Variants in RPS6KA5 observed in about 807,000 individuals in gnomAD.
The protein encoded by RPS6KA5 is ribosomal protein S6 kinase A5, also known as ribosomal protein S6 kinase alpha-5.
Under a neutral mutation model 85.5 loss-of-function variants are expected in RPS6KA5, and 27 were observed. That is an observed-to-expected ratio of 0.32 (90% CI 0.23 to 0.44). The LOEUF (loss-of-function observed/expected upper bound fraction) is 0.44, where lower values mean the gene tolerates loss of function less well. RPS6KA5 is among the 20% of genes least tolerant of loss of function. The pLI is 1.00. For synonymous variants in RPS6KA5, 334 were observed against 348.2 expected (o/e 0.96, Z 0.46); for missense variants, 811 against 980.9 (o/e 0.83, Z 2.31).
intron 1 of RPS6KA5, among the ~76,000 whole-genome samples, chr14:91,049,149 T>C (rs1186453204): frequency 6.6e-6 from 1 of 152,186 alleles, no homozygotes; most frequent in African/African-American, 2.4e-5. Context: ...ATCTCTAAAA[T>C]TCATGGTAGA....
At chr14:90,947,675 C>T (rs955662806) in intron 3 of RPS6KA5, 125 bp from the exon 4 acceptor site, 90 of 596,174 alleles carry the variant, frequency 1.5e-4, no homozygotes, top group Middle Eastern at 1.3e-3. Flanking sequence ...TACAATTTAG[C>T]ATACAGTATC....
chr14:91,052,538 T>G (rs1354093177), intron 1 of RPS6KA5: 1 of 200,158 alleles, frequency 5.0e-6, no homozygotes, highest in East Asian at 1.8e-4. Context: ...ATAGATAAGA[T>G]CTTTAGGCAA....
intron 5 of RPS6KA5, among the ~76,000 whole-genome samples, chr14:90,932,892 T>A (rs1318586173): frequency 6.6e-6 from 1 of 152,206 alleles, no homozygotes; most frequent in Non-Finnish European, 1.5e-5. Context: ...TTGAGGACTA[T>A]TCTAACTAGT....
intron 4 of RPS6KA5, among the ~76,000 whole-genome samples, chr14:90,946,346 C>A (rs560174918): frequency 2.6e-5 from 4 of 152,142 alleles, no homozygotes; most frequent in South Asian, 2.1e-4. Flanking sequence ...TGTTCTCACA[C>A]GTTTTTCATT....
chr14:90,884,125 G>A (rs2034036318), intron 14 of RPS6KA5, among the ~76,000 whole-genome samples: 2 of 152,196 alleles, frequency 1.3e-5, no homozygotes, highest in African/African-American at 4.8e-5. Context: ...ATAGTGAGAA[G>A]CAGCAATTAT....
chr14:90,925,778 A>T (rs906913561), intron 5 of RPS6KA5, among the ~76,000 whole-genome samples: 10 of 138,286 alleles, frequency 7.2e-5, no homozygotes, highest in African/African-American at 3.2e-4. Context: ...AAAAAAATTA[A>T]AAAAAAAAAA....
chr14:91,036,745 G>A (rs78176316), intron 1 of RPS6KA5, among the ~76,000 whole-genome samples: 1,559 of 152,310 alleles, frequency 0.01, 95 homozygotes, highest in Admixed American at 0.092. Flanking sequence ...ATTGTCAATT[G>A]TCTGTGCAAG....
intron 1 of RPS6KA5, among the ~76,000 whole-genome samples, chr14:91,033,389 T>A (rs1413471283): frequency 6.6e-6 from 1 of 151,954 alleles, no homozygotes; most frequent in Non-Finnish European, 1.5e-5. Flanking sequence ...TCACTTGAGG[T>A]CAGGAGTTCA....
At chr14:91,052,707 C>T (rs2043139242) in intron 1 of RPS6KA5, among the ~76,000 whole-genome samples, 1 of 151,062 alleles carries the variant, frequency 6.6e-6, no homozygotes, top group African/African-American at 2.4e-5. Flanking sequence ...GTGGCAGGTG[C>T]CTGTAGTCCC....
intron 5 of RPS6KA5, among the ~76,000 whole-genome samples, chr14:90,935,172 G>A (rs540848503): frequency 2.6e-5 from 4 of 152,182 alleles, no homozygotes; most frequent in South Asian, 2.1e-4. Flanking sequence ...ATGCAAACAC[G>A]CTCTTTATGG....
chr14:91,020,557 T>C (rs1407423608), intron 1 of RPS6KA5, among the ~76,000 whole-genome samples: 2 of 141,318 alleles, frequency 1.4e-5, no homozygotes, highest in Non-Finnish European at 3.1e-5. Flanking sequence ...TGTGTGTGTG[T>C]GTGTGTGTGT....
rs1469267074 is a variant in RPS6KA5, at chr14:90,849,827, T to A, written c.*22247A>T. 2.0e-5 allele frequency: 3 copies of A among 152,236 alleles called. No homozygotes were observed. The allele number at this position is 152,236 out of a possible 1,614,324, so 9.4% of individuals were successfully genotyped here. ...CGTTACCCGTTGATGCTAGATGATGTCCTCAAACCTGACGTAGTAAAGGAA... is the reference window on the plus strand; with the variant it reads ...CGTTACCCGTTGATGCTAGATGATGACCTCAAACCTGACGTAGTAAAGGAA... On this transcript the variant is annotated 3_prime_UTR_variant, in exon 17 of 17. Transcript: ENST00000614987.
intron 14 of RPS6KA5, among the ~76,000 whole-genome samples, chr14:90,890,244 T>C (rs1410920811): frequency 6.6e-6 from 1 of 152,194 alleles, no homozygotes; most frequent in Non-Finnish European, 1.5e-5. Context: ...TTAACTCTCA[T>C]TGATATAAAA....
chr14:90,928,414 C>A (rs762976203), intron 5 of RPS6KA5, among the ~76,000 whole-genome samples: 1 of 151,318 alleles, frequency 6.6e-6, no homozygotes, highest in Non-Finnish European at 1.5e-5. Flanking sequence ...AAATAATAAA[C>A]CTCATCAAAG....
chr14:91,040,929 T>C (rs1043042157), intron 1 of RPS6KA5, among the ~76,000 whole-genome samples: 2 of 152,220 alleles, frequency 1.3e-5, no homozygotes, highest in African/African-American at 4.8e-5. Flanking sequence ...GTGCTTGAGA[T>C]GGAAGCTTGA....
At chr14:91,032,630 T>C (rs1229910957) in intron 1 of RPS6KA5, among the ~76,000 whole-genome samples, 2 of 152,196 alleles carry the variant, frequency 1.3e-5, no homozygotes, top group South Asian at 4.1e-4. Flanking sequence ...GCTTCATGCT[T>C]GACGGCTATG....
chr14:90,892,675 C>A (rs971349951), intron 13 of RPS6KA5, among the ~76,000 whole-genome samples: 1 of 152,186 alleles, frequency 6.6e-6, no homozygotes, highest in African/African-American at 2.4e-5. Context: ...AGGATTCTGC[C>A]TATGCAGAAA....
chr14:91,046,706 A>G (rs1021827219), intron 1 of RPS6KA5, among the ~76,000 whole-genome samples: 1 of 152,232 alleles, frequency 6.6e-6, no homozygotes, highest in Non-Finnish European at 1.5e-5. Flanking sequence ...AGACCTGTGT[A>G]TGATTCTCCA....
chr14:90,900,825 G>A, intron 9 of RPS6KA5, 89 bp from the exon 10 acceptor site: 1 of 1,076,258 alleles, frequency 9.3e-7, no homozygotes, highest in Non-Finnish European at 1.3e-6. Flanking sequence ...TTTTTCCTTA[G>A]AAAAACACTC....
Sources: gnomAD v4.1 joint callset for allele counts (sites outside exome capture counted in the v4.1 genomes callset) on GRCh38, gnomAD v4.1.1 for gene constraint, MANE v1.5 for transcripts, NCBI Gene and HGNC (gene_info 2026-07-23, HGNC 2026-07-21) for gene names.